PPM1H: variants seen among roughly 807,000 people sequenced by gnomAD.
The protein encoded by PPM1H is protein phosphatase 1H.
A neutral mutation model predicts 54.9 loss-of-function variants in PPM1H; 27 were observed. That is an observed-to-expected ratio of 0.49 (90% CI 0.36 to 0.68). The LOEUF is 0.68. PPM1H is among the 30% of genes least tolerant of loss of function. PPM1H has a pLI of 0.00. For missense variants in PPM1H, 596 were observed against 667.8 expected (o/e 0.89, Z 1.19); for synonymous variants, 305 against 270.8 (o/e 1.13, Z -1.24).
intron 1 of PPM1H, among the ~76,000 whole-genome samples, chr12:62,893,629 G>A (rs1047457771): frequency 1.2e-4 from 18 of 151,752 alleles, no homozygotes; most frequent in African/African-American, 4.4e-4. Flanking sequence ...GCTAATATGT[G>A]TGTGTGCGGG....
intron 1 of PPM1H, among the ~76,000 whole-genome samples, chr12:62,932,651 T>TTTTTTTTTA (rs1872181743): frequency 1.5e-5 from 2 of 136,452 alleles, no homozygotes; most frequent in African/African-American, 5.5e-5. Flanking sequence ...TTTTTTTTTT[T>TTTTTTTTTA]GAGAAGGAGT....
At chr12:62,776,824 A>C (rs1420976177) in intron 4 of PPM1H, among the ~76,000 whole-genome samples, 2 of 152,236 alleles carry the variant, frequency 1.3e-5, no homozygotes, top group Non-Finnish European at 2.9e-5. Flanking sequence ...TGCTTAAACA[A>C]GACAGGATAG....
intron 1 of PPM1H, among the ~76,000 whole-genome samples, chr12:62,849,100 G>A (rs1869083287): frequency 6.6e-6 from 1 of 152,134 alleles, no homozygotes; most frequent in South Asian, 2.1e-4. Context: ...GAGAGGGCAG[G>A]GGACACACAG....
At chr12:62,868,129 C>T (rs2120994009) in intron 1 of PPM1H, among the ~76,000 whole-genome samples, 1 of 152,292 alleles carries the variant, frequency 6.6e-6, no homozygotes, top group East Asian at 1.9e-4. Context: ...TGTCCTAAAC[C>T]TGCAGTGTGC....
rs143265660 is a variant in PPM1H at position 62,701,076 on chromosome 12, G to A, written c.1074-7077C>T. Among the ~76,000 whole-genome samples the A allele has an allele frequency of 3.4e-3, 525 of 152,276 alleles. 2 individuals are homozygous for A. Among genetic ancestry groups the A allele is most frequent in the Non-Finnish European group, 5.7e-3 (388 of 68,028 alleles). Reference sequence around the variant, plus strand: ...TGGCATCTCCTATACCTACAAGAGTGCTCAACATATAATGGGTACCCAATA... The same window carrying A: ...TGGCATCTCCTATACCTACAAGAGTACTCAACATATAATGGGTACCCAATA... On this transcript the variant is annotated intron_variant, in intron 6 of 9. Transcript: ENST00000228705.
Position 62,652,162 on chromosome 12 carries a change from C to T in PPM1H, c.1398-3526G>A, listed in dbSNP as rs116721072. ...TGTTTTTCAATGCCACTTTCACACC[C>T]TGATATTGTTCAATTATGAAATCCA... On this transcript the variant is annotated intron_variant, in intron 9 of 9. Coordinates refer to ENST00000228705, the MANE Select transcript of PPM1H (RefSeq NM_020700.2). 7.1e-3 allele frequency among the ~76,000 whole-genome samples: 1,082 copies of T among 152,322 alleles called. 10 individuals carry two copies. Among genetic ancestry groups the T allele is most frequent in the African/African-American group, 0.025 (1,024 of 41,570 alleles).
At chr12:62,688,932 GT>G (rs2076069242) in intron 8 of PPM1H, among the ~76,000 whole-genome samples, 1 of 152,212 alleles carries the variant, frequency 6.6e-6, no homozygotes, top group Non-Finnish European at 1.5e-5. Context: ...GGAGACAGAA[GT>G]TGCAGTTAGC....
At chr12:62,859,626 T>C (rs1045801056) in intron 1 of PPM1H, among the ~76,000 whole-genome samples, 8 of 152,232 alleles carry the variant, frequency 5.3e-5, no homozygotes, top group South Asian at 2.1e-4. Context: ...TATTGTCTTA[T>C]GGAACAATCA....
At position 62,644,724 on chromosome 12, in the gene PPM1H, T is replaced by C. The variant is rs1199750948; in HGVS notation, c.*3765A>G. On this transcript the variant is annotated 3_prime_UTR_variant, in exon 10 of 10. Coordinates refer to ENST00000228705, the MANE Select transcript of PPM1H (RefSeq NM_020700.2). ...AAAGTCTGCTCAGAGAGGTGGGCTA[T>C]GGTGTGCAGGCTGCAACCTTTCTCT... The C allele has an allele frequency of 2.0e-5, 3 of 152,254 alleles. No individual in the cohort carries two copies. The highest frequency in any genetic ancestry group is 4.4e-5 in the Non-Finnish European group (3 of 68,054). 9.4% of individuals were successfully genotyped at this position (152,254 alleles called of 1,614,324 possible).
At chr12:62,825,661 C>T (rs772465533) in intron 2 of PPM1H, among the ~76,000 whole-genome samples, 19 of 152,104 alleles carry the variant, frequency 1.2e-4, no homozygotes, top group Non-Finnish European at 1.9e-4. Context: ...TATGTTCTCA[C>T]TCATAGGTGG....
chr12:62,870,807 GA>G (rs1869948763), intron 1 of PPM1H, among the ~76,000 whole-genome samples: 1 of 152,116 alleles, frequency 6.6e-6, no homozygotes, highest in Non-Finnish European at 1.5e-5. Flanking sequence ...TAAGCACAGG[GA>G]AAAATGCTCA....
At chr12:62,818,814 T>C (rs2076885212) in intron 2 of PPM1H, among the ~76,000 whole-genome samples, 1 of 147,968 alleles carries the variant, frequency 6.8e-6, no homozygotes, top group Admixed American at 6.6e-5. Context: ...TGTTGCTTTT[T>C]CTTTTTCTTT....
intron 1 of PPM1H, among the ~76,000 whole-genome samples, chr12:62,932,628 C>CTTTTTTTTTTTTTTTTTGT (rs1872178612): frequency 1.9e-5 from 1 of 54,012 alleles, no homozygotes; most frequent in African/African-American, 7.0e-5. Flanking sequence ...TCCAAATGGG[C>CTTTTTTTTTTTTTTTTTGT]TTTTTTTTTT....
At chr12:62,884,460 C>A (rs183686986) in intron 1 of PPM1H, among the ~76,000 whole-genome samples, 26 of 134,830 alleles carry the variant, frequency 1.9e-4, no homozygotes, top group African/African-American at 6.9e-4. Flanking sequence ...GAGATCATGC[C>A]ACTGCACTCC....
In PPM1H at chr12:62,648,525, A is replaced by G. The variant is rs1484700260; in HGVS notation, c.1509T>C (p.Tyr503=). 6.2e-7 allele frequency: 1 copy of G among 1,613,894 alleles called. No individual in the cohort carries two copies. The highest frequency in any genetic ancestry group is 8.5e-7 in the Non-Finnish European group (1 of 1,179,902). ...RLGSGDDISV[Y]VIPLIHGNKL... The stretch of plus-strand genomic sequence containing the variant: ...TGTTTCCATGTATTAAAGGAATGAC[A>G]TATACAGAAATGTCGTCTCCTGAGC... The change falls in exon 10 of 10, where the codon TAT becomes TAC. Residue 503 remains tyrosine (Y), a synonymous_variant. Transcript: ENST00000228705.
At chr12:62,733,539 G>A (rs911424040) in intron 5 of PPM1H, among the ~76,000 whole-genome samples, 1 of 152,160 alleles carries the variant, frequency 6.6e-6, no homozygotes, top group Non-Finnish European at 1.5e-5. Context: ...TTACAGGTGT[G>A]AGCCACCATG....
At chr12:62,786,604 C>T (rs1468210145) in intron 4 of PPM1H, among the ~76,000 whole-genome samples, 1 of 152,236 alleles carries the variant, frequency 6.6e-6, no homozygotes, top group Non-Finnish European at 1.5e-5. Flanking sequence ...TCTGCTACAG[C>T]GTTTCCTTCC....
intron 5 of PPM1H, among the ~76,000 whole-genome samples, chr12:62,727,282 A>G (rs1171597994): frequency 6.6e-6 from 1 of 152,168 alleles, no homozygotes; most frequent in Admixed American, 6.5e-5. Context: ...GGTGCTGAGT[A>G]AGTATTTGCT....
intron 2 of PPM1H, among the ~76,000 whole-genome samples, chr12:62,818,373 C>G (rs756293213): frequency 3.9e-5 from 6 of 151,992 alleles, no homozygotes; most frequent in Non-Finnish European, 7.4e-5. Context: ...CTCTTTATAA[C>G]CTTCCAAGTC....
Sources: allele counts gnomAD v4.1 joint callset (sites outside exome capture counted in the v4.1 genomes callset), GRCh38; gene constraint gnomAD v4.1.1; transcripts MANE v1.5; gene names NCBI Gene and HGNC (gene_info 2026-07-23, HGNC 2026-07-21).